Variants in GCN1 observed in about 807,000 individuals in gnomAD.
The protein encoded by GCN1 is GCN1 activator of EIF2AK4, also known as stalled ribosome sensor GCN1.
A neutral mutation model predicts 288.4 loss-of-function variants in GCN1; 90 were observed. The observed-to-expected ratio is 0.31, with a 90% CI of 0.26 to 0.37. GCN1 has a LOEUF of 0.37. Among genes scored for constraint, GCN1 ranks in the 10% least tolerant of loss-of-function variants. The pLI is 1.00. For missense variants in GCN1, 2,586 were observed against 3,419.9 expected, an observed-to-expected ratio of 0.76 and a Z score of 6.08; for synonymous variants, 1,386 against 1,420.2, an observed-to-expected ratio of 0.98 and a Z score of 0.54.
At chr12:120,145,365 C>A in intron 38 of GCN1, 35 bp from the exon 39 acceptor site, 1 of 1,487,212 alleles carries the variant, frequency 6.7e-7, no homozygotes, top group Non-Finnish European at 9.0e-7. Flanking sequence ...AGGTGAGGCC[C>A]GACTCCTGCT....
chr12:120,129,482 G>C lies in GCN1; in HGVS notation c.7684C>G (p.Pro2562Ala). The change falls in exon 57 of 58, where the codon CCA (proline) becomes GCA (alanine). Residue 2562 changes from proline (P) to alanine (A), a missense_variant. By Grantham distance (27) the Pro-to-Ala change is conservative. Around this residue, in one of 8 missense-constraint regions of GCN1, gnomAD observed 355 missense variants for 431.1 expected, o/e 0.82. Coordinates refer to ENST00000300648, the MANE Select transcript of GCN1 (RefSeq NM_006836.2). The part of the protein sequence containing the change: ...SSLFVKCLQN[P>A]SSDIRLVAEK... ...GCCACCAGCCTGATGTCGCTGGATGGGTTCTGCAGACACTGTAAAAAGAAC... is the reference window on the plus strand; with the variant it reads ...GCCACCAGCCTGATGTCGCTGGATGCGTTCTGCAGACACTGTAAAAAGAAC... The C allele has an allele frequency of 6.2e-7, 1 of 1,612,798 alleles. No individual in the cohort carries two copies. Among genetic ancestry groups the C allele is most frequent in the Non-Finnish European group, 8.5e-7 (1 of 1,178,782 alleles).
chr12:120,155,355 C>T lies in GCN1; in HGVS notation c.3516G>A (p.Glu1172=). 3 of 1,614,168 alleles carry T rather than the reference C, an allele frequency of 1.9e-6. No homozygotes were observed. Among genetic ancestry groups the T allele is most frequent in the Non-Finnish European group, 2.5e-6 (3 of 1,180,028 alleles). ...SLLIDDVIYH[E]AAVRQAGAEA... ...CGGCCCCTGCCTGCCTTACAGCCGC[C>T]TCATGATAGATCACGTCGTCAATCA... Residue 1172 remains glutamate, a synonymous_variant, in exon 30 of 58, where the codon GAG becomes GAA. Coordinates refer to ENST00000300648, the MANE Select transcript of GCN1 (RefSeq NM_006836.2). The surrounding 1 kb of genome is among the most constrained non-coding windows in gnomAD (Gnocchi z 4.9).
At chr12:120,176,877 C>T (rs961543042) in intron 9 of GCN1, among the ~76,000 whole-genome samples, 1 of 152,130 alleles carries the variant, frequency 6.6e-6, no homozygotes, top group East Asian at 1.9e-4. Flanking sequence ...AGTGATTTTC[C>T]TGCCTCAGTC....
At chr12:120,184,973 C>G (rs751111201) in intron 2 of GCN1, 86 bp from the exon 3 acceptor site, 1 of 860,778 alleles carries the variant, frequency 1.2e-6, no homozygotes, top group East Asian at 2.4e-5. Flanking sequence ...GACATGATCT[C>G]AGCCCACTGG....
Position 120,145,034 on chromosome 12 carries a change from C to T in GCN1, c.5044G>A (p.Gly1682Arg). ...EVRTVSAKAL[G>R]AMVKGMGESC... ...TCCCCCATGCCCTTCACCATGGCCC[C>T]AAGGGCCTTTGCAGATACGGTCCGC... Residue 1682 changes from glycine to arginine, a missense_variant, in exon 40 of 58, where the codon GGG (glycine) becomes AGG (arginine). Around this residue, in one of 8 missense-constraint regions of GCN1, gnomAD observed 371 missense variants for 572.6 expected, o/e 0.65. Coordinates refer to ENST00000300648, the MANE Select transcript of GCN1 (RefSeq NM_006836.2). 6.2e-7 allele frequency: 1 copy of T among 1,613,996 alleles called. No individual in the cohort carries two copies. Among genetic ancestry groups the T allele is most frequent in the Non-Finnish European group, 8.5e-7 (1 of 1,179,984 alleles).
Position 120,153,173 on chromosome 12 carries a change from C to T in GCN1, c.4062+40G>A, listed in dbSNP as rs759693611. The T allele has an allele frequency of 1.9e-6, 3 of 1,577,658 alleles. No homozygotes were observed. ...GCCTAACCACAGCCGGGTCCCAATTCTCTAACCGACATGTGGGTCCCAGGC... is the reference window on the plus strand; with the variant it reads ...GCCTAACCACAGCCGGGTCCCAATTTTCTAACCGACATGTGGGTCCCAGGC... On this transcript the variant is annotated intron_variant, in intron 33 of 57. Coordinates refer to ENST00000300648, the MANE Select transcript of GCN1 (RefSeq NM_006836.2). This position sits in a 1 kb window ranked among gnomAD's most constrained non-coding sequence, Gnocchi z 4.4.
Position 120,162,871 on chromosome 12 carries a change from C to T in GCN1, c.2139G>A (p.Met713Ile). ...TRHLDQIIPR[M>I]TTQSPLNQSS... is the part of the protein sequence containing the mutation. Reference sequence around the variant, plus strand: ...CCTGGTTTAGGGGACTCTGTGTGGTCATCCTGGGAATGATCTGATCCAGGT... The same window carrying T: ...CCTGGTTTAGGGGACTCTGTGTGGTTATCCTGGGAATGATCTGATCCAGGT... Residue 713 changes from methionine (M) to isoleucine (I), a missense_variant, in exon 20 of 58, where the codon ATG becomes ATA. Coordinates refer to ENST00000300648, the MANE Select transcript of GCN1 (RefSeq NM_006836.2). 6.2e-7 allele frequency: 1 copy of T among 1,614,070 alleles called. No homozygotes were observed. The highest frequency in any genetic ancestry group is 8.5e-7 in the Non-Finnish European group (1 of 1,180,006).
chr12:120,181,229 A>T (rs576314576), intron 5 of GCN1, among the ~76,000 whole-genome samples: 1 of 152,022 alleles, frequency 6.6e-6, no homozygotes, highest in South Asian at 2.1e-4. Flanking sequence ...ACTTTGGAAG[A>T]CCGCAGCAGG....
Position 120,175,800 on chromosome 12 carries a change from T to C in GCN1, c.988A>G (p.Ser330Gly). The change falls in exon 11 of 58, where the codon AGT becomes GGT. Residue 330 changes from serine (S) to glycine (G), a missense_variant. Ser to Gly is a moderately conservative substitution (Grantham distance 56, BLOSUM62 0). Around this residue, in one of 8 missense-constraint regions of GCN1, gnomAD observed 913 missense variants for 1,107.0 expected, o/e 0.82. Transcript: ENST00000300648. ...LALRNLARQC[S>G]DSSAMESLTK... ...AGGGATTCCATGGCCGAAGAGTCAC[T>C]GCACTGGCGTGCCAGGTTCCGCAGT... 1 of 1,613,348 alleles carries C rather than the reference T, an allele frequency of 6.2e-7. No individual in the cohort carries two copies. Among genetic ancestry groups the C allele is most frequent in the East Asian group, 2.2e-5 (1 of 44,876 alleles).
chr12:120,175,964 T>C, intron 10 of GCN1, 90 bp from the exon 11 acceptor site: 1 of 1,482,752 alleles, frequency 6.7e-7, no homozygotes, highest in Non-Finnish European at 9.3e-7. Flanking sequence ...ATCTCTTCAG[T>C]ATTAGCTGTT....
intron 5 of GCN1, among the ~76,000 whole-genome samples, chr12:120,180,766 A>G (rs1418478487): frequency 6.6e-6 from 1 of 151,770 alleles, no homozygotes; most frequent in African/African-American, 2.4e-5. Flanking sequence ...AGGCGGGCGG[A>G]TCACGAGGTC....
In GCN1 at chr12:120,164,395, C is replaced by A; in HGVS notation, c.1789G>T (p.Gly597Cys). ...TVRKLLSSLG[G>C]FKLAHGLLEE... ...AAGAGTCCGTGCGCCAGCTTAAAGCCCCCAAGAGAGGACAGCAGCTTCCGA... is the reference window on the plus strand; with the variant it reads ...AAGAGTCCGTGCGCCAGCTTAAAGCACCCAAGAGAGGACAGCAGCTTCCGA... Residue 597 changes from glycine to cysteine, a missense_variant, in exon 18 of 58, where the codon GGC (glycine) becomes TGC (cysteine). By Grantham distance (159) the Gly-to-Cys change is radical. This residue lies in a region of GCN1 where 913 missense variants were observed against 1,107.0 expected (regional missense o/e 0.82). Transcript: ENST00000300648. 2 of 1,614,188 alleles carry A rather than the reference C, an allele frequency of 1.2e-6. No homozygotes were observed. The highest frequency in any genetic ancestry group is 1.7e-6 in the Non-Finnish European group (2 of 1,180,034).
In GCN1 at chr12:120,129,278, GAA is replaced by G; in HGVS notation, c.7886_7887del (p.Phe2629SerfsTer19). ...GGTGAGGCCCCCCAGGCTCCCACCT[GAA>G]ACACCTCTTCACCCTGCCGCATCTT... ...LLKMRQGEEV[F>X]QSLSKILDVA... On this transcript the variant is annotated frameshift_variant, in exon 57 of 58. Coordinates refer to ENST00000300648, the MANE Select transcript of GCN1 (RefSeq NM_006836.2). LOFTEE classifies it high-confidence loss of function. 1 of 1,612,406 alleles carries G rather than the reference GAA, an allele frequency of 6.2e-7. No homozygotes were observed. The highest frequency in any genetic ancestry group is 8.5e-7 in the Non-Finnish European group (1 of 1,178,714).
At chr12:120,138,300 G>A in intron 47 of GCN1, 23 bp downstream of exon 47, 1 of 1,415,988 alleles carries the variant, frequency 7.1e-7, no homozygotes, top group Non-Finnish European at 1.0e-6. Flanking sequence ...GCCAGAGGGT[G>A]TTGACCACAT....
Position 120,161,497 on chromosome 12 carries a change from A to G in GCN1, c.2429T>C (p.Leu810Pro), listed in dbSNP as rs1278981967. ...SFKEQIIELE[L>P]KEEIKKKKGI... ...GTGCCTCCGTGTACTCACCTCCTTC[A>G]GCTCCAGCTCGATGATCTGCTCTTT... Residue 810 changes from leucine to proline, a missense_variant, in exon 22 of 58, where the codon CTG becomes CCG. Transcript: ENST00000300648. 1 of 1,611,728 alleles carries G rather than the reference A, an allele frequency of 6.2e-7. No homozygotes were observed. The highest frequency in any genetic ancestry group is 8.5e-7 in the Non-Finnish European group (1 of 1,177,914).
chr12:120,137,448 G>GT lies in GCN1; in HGVS notation c.6663+96dup. 6.9e-7 allele frequency: 1 copy of GT among 1,443,242 alleles called. No homozygotes were observed. The highest frequency in any genetic ancestry group is 9.7e-7 in the Non-Finnish European group (1 of 1,033,114). The allele number at this position is 1,443,242 out of a possible 1,614,324, so 89.4% of individuals were successfully genotyped here. Reference sequence around the variant, plus strand: ...ACGAGTGGGTAAACGCCGAAGCTGAGTGACAGGTACGTGGGGGATTCTTAT... The same window carrying GT: ...ACGAGTGGGTAAACGCCGAAGCTGAGTTGACAGGTACGTGGGGGATTCTTAT... On this transcript the variant is annotated intron_variant, in intron 49 of 57. Coordinates refer to ENST00000300648, the MANE Select transcript of GCN1 (RefSeq NM_006836.2). The surrounding 1 kb of genome is among the most constrained non-coding windows in gnomAD (Gnocchi z 5.2).
rs144650812 is a variant in GCN1 at position 120,155,923 on chromosome 12, G to A, written c.3313-204C>T. ...GTTTTTTTAATGTGAAAATTAAAAC[G>A]TTAAATAAACCAGACAGATAAAAAC... is the stretch of plus-strand genomic sequence containing the variant. On this transcript the variant is annotated intron_variant, in intron 28 of 57. Transcript: ENST00000300648. This position sits in a 1 kb window ranked among gnomAD's most constrained non-coding sequence, Gnocchi z 4.9. Among the ~76,000 whole-genome samples, 167 of 152,222 alleles carry A rather than the reference G, an allele frequency of 1.1e-3. 2 individuals carry two copies. The East Asian group carries it at 0.026, about 23-fold the overall frequency.
intron 2 of GCN1, among the ~76,000 whole-genome samples, chr12:120,185,670 G>A (rs1465036053): frequency 2.6e-5 from 4 of 152,034 alleles, no homozygotes; most frequent in East Asian, 1.9e-4. Flanking sequence ...GTGCGATCTC[G>A]GCTCACCGCA....
At chr12:120,170,932 G>C (rs939806683) in intron 14 of GCN1, among the ~76,000 whole-genome samples, 1 of 151,756 alleles carries the variant, frequency 6.6e-6, no homozygotes, top group Non-Finnish European at 1.5e-5. Context: ...AGGCTGAGGC[G>C]GGGGGGATCA....
Sources: gnomAD v4.1 joint callset for allele counts (sites outside exome capture counted in the v4.1 genomes callset) on GRCh38, gnomAD v4.1.1 for gene constraint, gnomAD v4.1.1 regional missense constraint, Gnocchi (gnomAD v3.1) non-coding constraint, MANE v1.5 for transcripts, NCBI Gene and HGNC (gene_info 2026-07-23, HGNC 2026-07-21) for gene names.